SKAP1: variants seen among roughly 807,000 people sequenced by gnomAD.
SKAP1 encodes src kinase associated phosphoprotein 1, also known as src kinase-associated phosphoprotein 1.
SKAP1 carries 44 observed loss-of-function variants against 58.5 expected under a neutral mutation model. That is an observed-to-expected ratio of 0.75 (90% CI 0.59 to 0.97). The LOEUF is 0.97. Ranked by LOEUF, SKAP1 falls within the 50% of genes least tolerant of loss-of-function variation. SKAP1 has a pLI of 0.00. For missense variants in SKAP1, 390 were observed against 435.2 expected, an observed-to-expected ratio of 0.90 and a Z score of 0.92; for synonymous variants, 127 against 149.7, an observed-to-expected ratio of 0.85 and a Z score of 1.11.
At chr17:48,413,252 C>T (rs1446584608) in intron 1 of SKAP1, among the ~76,000 whole-genome samples, 2 of 151,706 alleles carry the variant, frequency 1.3e-5, no homozygotes, top group Non-Finnish European at 2.9e-5. Context: ...CAGTAGCTCA[C>T]GCCTGTAATC....
intron 3 of SKAP1, among the ~76,000 whole-genome samples, chr17:48,350,495 G>A (rs1040294185): frequency 6.6e-6 from 1 of 152,082 alleles, no homozygotes; most frequent in African/African-American, 2.4e-5. Flanking sequence ...TCGGGTTTGA[G>A]ACCAGCCTGA....
rs1350430741 is a variant in SKAP1 at position 48,430,090 on chromosome 17, G to A, written c.31C>T (p.Arg11Cys). Reference protein sequence around the residue: MQAAALPEEIRWLLEDAEEFL... With the variant: MQAAALPEEICWLLEDAEEFL... ...AGGGCGTTACCTTCCAGGAGCCAAC[G>A]GATCTCCTCAGGGAGGGCGGCGGCC... Residue 11 changes from arginine to cysteine, a missense_variant, in exon 1 of 13, where the codon CGT (arginine) becomes TGT (cysteine). Arg to Cys is a radical substitution (Grantham distance 180, BLOSUM62 -3). Coordinates refer to ENST00000336915, the MANE Select transcript of SKAP1 (RefSeq NM_003726.4). 1.6e-6 allele frequency: 2 copies of A among 1,266,740 alleles called. No homozygotes were observed. Among genetic ancestry groups the A allele is most frequent in the African/African-American group, 1.5e-5 (1 of 65,376 alleles). 78.5% of individuals were successfully genotyped at this position (1,266,740 alleles called of 1,614,324 possible). A position where few individuals can be genotyped will look rare whatever the true frequency, so the allele number is the denominator to read the frequency against.
At chr17:48,239,522 G>T (rs2065219888) in intron 4 of SKAP1, among the ~76,000 whole-genome samples, 1 of 152,054 alleles carries the variant, frequency 6.6e-6, no homozygotes, top group South Asian at 2.1e-4. Flanking sequence ...TACTTTAATT[G>T]GTCTGTGAGT....
chr17:48,343,429 C>T (rs1402145002), intron 4 of SKAP1, among the ~76,000 whole-genome samples: 1 of 152,124 alleles, frequency 6.6e-6, no homozygotes, highest in African/African-American at 2.4e-5. Flanking sequence ...AGGCACTGTG[C>T]TAGATTCAAT....
In SKAP1 at chr17:48,351,993, A is replaced by T. The variant is rs150497557; in HGVS notation, c.179-5987T>A. Among the ~76,000 whole-genome samples the T allele has an allele frequency of 5.0e-4, 76 of 151,630 alleles. 1 individual carries two copies. Among genetic ancestry groups the T allele is most frequent in the Admixed American group, 1.3e-3 (20 of 15,190 alleles). ...TCAAGAAAATGGTCCTTTGTAATGC[A>T]GTTTTTAATTTTGACCAGTAGGGTG... On this transcript the variant is annotated intron_variant, in intron 3 of 12. Coordinates refer to ENST00000336915, the MANE Select transcript of SKAP1 (RefSeq NM_003726.4).
At chr17:48,162,426 A>C in intron 11 of SKAP1, 43 bp downstream of exon 11, 2 of 1,410,280 alleles carry the variant, frequency 1.4e-6, no homozygotes, top group East Asian at 4.6e-5. Context: ...TCAAGAATGA[A>C]AAAATTGACT....
chr17:48,423,791 A>G (rs1247697935), intron 1 of SKAP1, among the ~76,000 whole-genome samples: 1 of 152,158 alleles, frequency 6.6e-6, no homozygotes, highest in African/African-American at 2.4e-5. Context: ...GGATCTCACT[A>G]CATTACCCAG....
At chr17:48,174,144 T>C (rs895313203) in intron 9 of SKAP1, among the ~76,000 whole-genome samples, 1 of 151,872 alleles carries the variant, frequency 6.6e-6, no homozygotes, top group African/African-American at 2.4e-5. Flanking sequence ...TGGAATCAAC[T>C]AGAAAGAAAA....
intron 4 of SKAP1, among the ~76,000 whole-genome samples, chr17:48,203,361 G>A (rs2064753586): frequency 2.0e-5 from 3 of 152,248 alleles, no homozygotes; most frequent in Admixed American, 1.3e-4. Context: ...TCTGCTTCAC[G>A]GCACTTGGTA....
intron 1 of SKAP1, among the ~76,000 whole-genome samples, chr17:48,398,945 A>G (rs1043446727): frequency 7.9e-5 from 12 of 152,070 alleles, no homozygotes; most frequent in Admixed American, 6.6e-4. Flanking sequence ...CACTTGAACC[A>G]GGGAGTTGGA....
intron 4 of SKAP1, among the ~76,000 whole-genome samples, chr17:48,248,637 G>T (rs1245001628): frequency 6.6e-6 from 1 of 152,088 alleles, no homozygotes; most frequent in Non-Finnish European, 1.5e-5. Context: ...AATCCTTGCC[G>T]CCAAGGAGCC....
chr17:48,287,709 TA>T (rs1301075483), intron 4 of SKAP1, among the ~76,000 whole-genome samples: 1 of 152,224 alleles, frequency 6.6e-6, no homozygotes, highest in Admixed American at 6.5e-5. Context: ...ATCAGTTAGT[TA>T]AATGCTGCTC....
chr17:48,292,784 G>GT (rs1397262226), intron 4 of SKAP1, among the ~76,000 whole-genome samples: 16 of 152,270 alleles, frequency 1.1e-4, no homozygotes, highest in African/African-American at 3.1e-4. Context: ...CTCTTATGCT[G>GT]TTGAATTTAT....
At chr17:48,165,790 C>T (rs2143316791) in intron 10 of SKAP1, among the ~76,000 whole-genome samples, 1 of 152,288 alleles carries the variant, frequency 6.6e-6, no homozygotes, top group South Asian at 2.1e-4. Flanking sequence ...TTTAGGCTTA[C>T]ACTACTCTGG....
chr17:48,158,578 A>AAAAAAAAAAAAAAAAG (rs1567798217), intron 11 of SKAP1, among the ~76,000 whole-genome samples: 1 of 149,394 alleles, frequency 6.7e-6, no homozygotes, highest in African/African-American at 2.5e-5. Context: ...AAAAAAAAAA[A>AAAAAAAAAAAAAAAAG]AAAAAAGAAA....
In SKAP1 at chr17:48,188,034, G is replaced by A. The variant is rs577326835; in HGVS notation, c.359-108C>T. On this transcript the variant is annotated intron_variant, in intron 5 of 12. Coordinates refer to ENST00000336915, the MANE Select transcript of SKAP1 (RefSeq NM_003726.4). ...AGTGTGTTATTGTTTTATTTCCCAG[G>A]TTAATGGACTGTAAAACCCTCCTTT... 265 of 789,766 alleles carry A rather than the reference G, an allele frequency of 3.4e-4. 1 individual carries two copies. Among genetic ancestry groups the A allele is most frequent in the Middle Eastern group, 2.1e-3 (9 of 4,316 alleles). 48.9% of individuals were successfully genotyped at this position (789,766 alleles called of 1,614,324 possible).
At chr17:48,158,140 G>A (rs1261509036) in intron 11 of SKAP1, among the ~76,000 whole-genome samples, 2 of 137,006 alleles carry the variant, frequency 1.5e-5, no homozygotes, top group African/African-American at 5.5e-5. Context: ...TCATGCTATC[G>A]CACTCCAGCC....
the SKAP1 span, among the ~76,000 whole-genome samples, chr17:48,438,587 A>G: frequency 6.6e-6 from 1 of 151,922 alleles, no homozygotes; most frequent in Non-Finnish European, 1.5e-5. Context: ...GATTCTCCCC[A>G]CCCACCTCCA....
At chr17:48,185,578 G>A (rs1374101290) in intron 6 of SKAP1, among the ~76,000 whole-genome samples, 1 of 152,084 alleles carries the variant, frequency 6.6e-6, no homozygotes, top group African/African-American at 2.4e-5. Context: ...TCATTGTGTG[G>A]GTCAGGCAGA....
Sources: gnomAD v4.1 joint callset for allele counts (sites outside exome capture counted in the v4.1 genomes callset) on GRCh38, gnomAD v4.1.1 for gene constraint, MANE v1.5 for transcripts, NCBI Gene and HGNC (gene_info 2026-07-23, HGNC 2026-07-21) for gene names.